EPB41L4A: variants seen among roughly 807,000 people sequenced by gnomAD.
The protein encoded by EPB41L4A is band 4.1-like protein 4A.
In EPB41L4A, 100 loss-of-function variants were observed where a neutral mutation model predicts 108.6. The observed-to-expected ratio is 0.92, with a 90% CI of 0.78 to 1.09. The LOEUF (loss-of-function observed/expected upper bound fraction) is 1.09. EPB41L4A is among the 50% of genes least tolerant of loss of function. EPB41L4A has a pLI of 0.00. For missense variants in EPB41L4A, 1,030 were observed against 842.7 expected (o/e 1.22, Z -2.75); for synonymous variants, 319 against 289.0 (o/e 1.10, Z -1.05).
chr5:112,405,062 C>G lies in EPB41L4A; in HGVS notation c.99+13879G>C, dbSNP rs542748949. 2.6e-5 allele frequency among the ~76,000 whole-genome samples: 4 copies of G among 152,334 alleles called. No individual in the cohort carries two copies. In the South Asian group the frequency reaches 8.3e-4, roughly 32 times the overall value. On this transcript the variant is annotated intron_variant, in intron 1 of 22. Coordinates refer to ENST00000261486, the MANE Select transcript of EPB41L4A (RefSeq NM_022140.5). Reference sequence around the variant, plus strand: ...TACCCTTGTTTAGTCCTCTCTCACACGAGTGGTGTGACCAAAAAACTACAG... The same window carrying G: ...TACCCTTGTTTAGTCCTCTCTCACAGGAGTGGTGTGACCAAAAAACTACAG...
At chr5:112,234,210 T>C (rs1180907298) in intron 12 of EPB41L4A, among the ~76,000 whole-genome samples, 2 of 146,546 alleles carry the variant, frequency 1.4e-5, no homozygotes, top group African/African-American at 5.0e-5. Flanking sequence ...TAAAATAAAA[T>C]ATAAATAAAA....
chr5:112,243,546 T>C (rs1158219560), intron 9 of EPB41L4A, among the ~76,000 whole-genome samples: 1 of 152,172 alleles, frequency 6.6e-6, no homozygotes, highest in African/African-American at 2.4e-5. Context: ...AAGTCCTAGA[T>C]GGCATCTTCT....
At chr5:112,411,587 C>A (rs1242125917) in intron 1 of EPB41L4A, among the ~76,000 whole-genome samples, 1 of 151,290 alleles carries the variant, frequency 6.6e-6, no homozygotes, top group East Asian at 1.9e-4. Context: ...AGGCAGATAT[C>A]ATGCCCCTCA....
rs1760076177 is a variant in EPB41L4A at position 112,164,007 on chromosome 5, T to A, written c.*983A>T. 1.3e-5 allele frequency: 2 copies of A among 152,138 alleles called. No individual in the cohort carries two copies. Among genetic ancestry groups the A allele is most frequent in the African/African-American group, 4.8e-5 (2 of 41,392 alleles). 9.4% of individuals were successfully genotyped at this position (152,138 alleles called of 1,614,324 possible). A position where few individuals can be genotyped will look rare whatever the true frequency, so the allele number is the denominator to read the frequency against. ...CTGCATAAGTATTTTCCCTGTAGAT[T>A]GCAAAGTCATCTATGGAGAGGAAAG... On this transcript the variant is annotated 3_prime_UTR_variant, in exon 23 of 23. Coordinates refer to ENST00000261486, the MANE Select transcript of EPB41L4A (RefSeq NM_022140.5).
intron 18 of EPB41L4A, among the ~76,000 whole-genome samples, chr5:112,174,366 G>A (rs1760756197): frequency 6.6e-6 from 1 of 152,158 alleles, no homozygotes; most frequent in Non-Finnish European, 1.5e-5. Flanking sequence ...TTATGCAGAT[G>A]TTTTACTTAA....
At chr5:112,259,856 A>G (rs1262671503) in intron 8 of EPB41L4A, 35 bp downstream of exon 8, 1 of 1,545,568 alleles carries the variant, frequency 6.5e-7, no homozygotes, top group Non-Finnish European at 8.9e-7. Flanking sequence ...AGCCCAAAAC[A>G]TAGAATGCCA....
intron 17 of EPB41L4A, chr5:112,192,002 T>A (rs1761726068): frequency 6.6e-6 from 1 of 152,064 alleles, no homozygotes; most frequent in Non-Finnish European, 1.5e-5. Flanking sequence ...CATTATTGGG[T>A]TACCGGAGTG....
chr5:112,378,640 C>T (rs1206931044), intron 1 of EPB41L4A, among the ~76,000 whole-genome samples: 1 of 152,200 alleles, frequency 6.6e-6, no homozygotes, highest in Admixed American at 6.5e-5. Flanking sequence ...GTGGAGAAGA[C>T]AGGGAAACTC....
chr5:112,313,273 AG>A (rs1356281394), intron 1 of EPB41L4A, among the ~76,000 whole-genome samples: 1 of 152,212 alleles, frequency 6.6e-6, no homozygotes, highest in African/African-American at 2.4e-5. Flanking sequence ...AAAGTGAGAC[AG>A]GGAGAGATTT....
chr5:112,382,380 A>G (rs1760228643), intron 1 of EPB41L4A, among the ~76,000 whole-genome samples: 1 of 152,202 alleles, frequency 6.6e-6, no homozygotes, highest in African/African-American at 2.4e-5. Context: ...TATTTGACAG[A>G]TGATATGACT....
downstream of EPB41L4A, among the ~76,000 whole-genome samples, chr5:112,159,839 C>T (rs1442998098): frequency 6.6e-6 from 1 of 151,488 alleles, no homozygotes; most frequent in Non-Finnish European, 1.5e-5. Context: ...TATTGATTGC[C>T]TGTTGAAATA....
chr5:112,313,693 C>T (rs1755196152), intron 1 of EPB41L4A, among the ~76,000 whole-genome samples: 1 of 151,970 alleles, frequency 6.6e-6, no homozygotes, highest in Non-Finnish European at 1.5e-5. Context: ...TTAGTCATTA[C>T]CTTTTTTTGC....
chr5:112,189,837 G>T (rs1376861188), intron 17 of EPB41L4A, among the ~76,000 whole-genome samples: 1 of 152,130 alleles, frequency 6.6e-6, no homozygotes, highest in African/African-American at 2.4e-5. Flanking sequence ...TTCATCAATA[G>T]CACAAAGGAT....
chr5:112,383,938 T>C (rs879715776), intron 1 of EPB41L4A, among the ~76,000 whole-genome samples: 1 of 152,172 alleles, frequency 6.6e-6, no homozygotes, highest in Non-Finnish European at 1.5e-5. Context: ...AAGTTAGCCA[T>C]AAAAATGAAG....
intron 17 of EPB41L4A, among the ~76,000 whole-genome samples, chr5:112,188,641 C>A (rs1000605013): frequency 6.6e-6 from 1 of 152,244 alleles, no homozygotes; most frequent in African/African-American, 2.4e-5. Context: ...ACCCTTGCAT[C>A]TGCAGTACGG....
chr5:112,170,900 A>C (rs1439045918), intron 19 of EPB41L4A, 45 bp downstream of exon 19: 1 of 1,565,572 alleles, frequency 6.4e-7, no homozygotes, highest in East Asian at 2.2e-5. Context: ...ATTGCATTAA[A>C]ACTACATGGG....
At chr5:112,306,628 G>C (rs1000627534) in intron 2 of EPB41L4A, among the ~76,000 whole-genome samples, 4 of 152,124 alleles carry the variant, frequency 2.6e-5, no homozygotes, top group African/African-American at 9.7e-5. Context: ...AAGTCAAATA[G>C]GGTATTTCTG....
At chr5:112,194,027 C>T (rs543696415) in intron 17 of EPB41L4A, among the ~76,000 whole-genome samples, 27 of 152,222 alleles carry the variant, frequency 1.8e-4, no homozygotes, top group Admixed American at 1.4e-3. Flanking sequence ...ATTAAGCCAC[C>T]ACTAATACTG....
chr5:112,169,012 T>A lies in EPB41L4A; in HGVS notation c.1833A>T (p.Ser611=). Residue 611 remains serine, a synonymous_variant, in exon 21 of 23, where the codon TCA becomes TCT. Transcript: ENST00000261486. Reference sequence around the variant, plus strand: ...CCACTTACTTCACTTCCGAGAGAACTGATCGCTCCCCATCTGAACACTGGG... The same window carrying A: ...CCACTTACTTCACTTCCGAGAGAACAGATCGCTCCCCATCTGAACACTGGG... ...RRSQCSDGER[S]VLSEVNSKTD... The A allele has an allele frequency of 6.2e-7, 1 of 1,613,696 alleles. No homozygotes were observed.
Sources: allele counts gnomAD v4.1 joint callset (sites outside exome capture counted in the v4.1 genomes callset), GRCh38; gene constraint gnomAD v4.1.1; transcripts MANE v1.5; gene names NCBI Gene and HGNC (gene_info 2026-07-23, HGNC 2026-07-21).